Variants in TOM1L2 observed in about 807,000 individuals in gnomAD.
TOM1L2 encodes the protein target of myb1 like 2 membrane trafficking protein.
Under a neutral mutation model 67.9 loss-of-function variants are expected in TOM1L2, and 31 were observed. The ratio of observed to expected loss-of-function variants is 0.46; its 90% CI spans 0.34 to 0.62. TOM1L2 has a LOEUF of 0.62. TOM1L2 is among the 20% of genes least tolerant of loss of function. The pLI is 0.01. For missense variants in TOM1L2, 606 were observed against 663.5 expected, an observed-to-expected ratio of 0.91 and a Z score of 0.95; for synonymous variants, 256 against 254.0, an observed-to-expected ratio of 1.01 and a Z score of -0.07.
intron 4 of TOM1L2, among the ~76,000 whole-genome samples, chr17:17,892,504 C>T (rs542751102): frequency 6.6e-6 from 1 of 152,162 alleles, no homozygotes; most frequent in Non-Finnish European, 1.5e-5. Context: ...CACATCCCAG[C>T]TCAGAGCCCT....
chr17:17,851,204 G>T, intron 12 of TOM1L2: 1 of 527,806 alleles, frequency 1.9e-6, no homozygotes, highest in South Asian at 2.1e-5. Context: ...AAGGAAGGTG[G>T]CTGTACGCGT....
intron 12 of TOM1L2, among the ~76,000 whole-genome samples, chr17:17,855,274 A>T (rs1001438445): frequency 2.0e-5 from 3 of 152,188 alleles, no homozygotes; most frequent in Admixed American, 2.0e-4. Flanking sequence ...GGTTAGGATT[A>T]TCCTTCCAGA....
At chr17:17,869,610 GA>G (rs1386033686) in intron 7 of TOM1L2, 137 bp from the exon 8 acceptor site, 1 of 1,408,528 alleles carries the variant, frequency 7.1e-7, no homozygotes, top group African/African-American at 1.4e-5. Flanking sequence ...GACATGTGCC[GA>G]ATTCAAAGTA....
At chr17:17,936,749 T>C (rs2040529642) in intron 1 of TOM1L2, among the ~76,000 whole-genome samples, 1 of 152,198 alleles carries the variant, frequency 6.6e-6, no homozygotes, top group Admixed American at 6.5e-5. Flanking sequence ...AAAATTGTAC[T>C]TACAGCATTA....
chr17:17,929,852 G>T (rs1418084306), intron 1 of TOM1L2, among the ~76,000 whole-genome samples: 1 of 152,176 alleles, frequency 6.6e-6, no homozygotes, highest in African/African-American at 2.4e-5. Context: ...TAGAGCTTTA[G>T]CTGTGACTGT....
intron 12 of TOM1L2, chr17:17,859,582 A>G (rs1038400144): frequency 6.6e-6 from 1 of 152,274 alleles, no homozygotes; most frequent in African/African-American, 2.4e-5. Flanking sequence ...AGCAGCAAAC[A>G]TGAAAAGCAA....
chr17:17,898,568 T>C, intron 3 of TOM1L2, 28 bp downstream of exon 3: 3 of 1,612,986 alleles, frequency 1.9e-6, no homozygotes, highest in Non-Finnish European at 2.5e-6. Flanking sequence ...CCCAGATGAC[T>C]TCTCTCCTCA....
At chr17:17,881,557 C>G (rs1229242986) in intron 6 of TOM1L2, among the ~76,000 whole-genome samples, 1 of 152,198 alleles carries the variant, frequency 6.6e-6, no homozygotes, top group Non-Finnish European at 1.5e-5. Context: ...AGAAGCAGGG[C>G]CAAAAGCCAG....
chr17:17,878,627 C>T (rs2037548025), intron 7 of TOM1L2, among the ~76,000 whole-genome samples: 1 of 152,198 alleles, frequency 6.6e-6, no homozygotes, highest in Non-Finnish European at 1.5e-5. Context: ...ACTTGGGGAC[C>T]AAGACTGACA....
intron 1 of TOM1L2, among the ~76,000 whole-genome samples, chr17:17,949,817 T>C (rs1398541117): frequency 6.6e-6 from 1 of 152,024 alleles, no homozygotes; most frequent in Non-Finnish European, 1.5e-5. Context: ...CAGGGCAATG[T>C]TATAACACTG....
rs759762655 is a variant in TOM1L2 at position 17,907,431 on chromosome 17, A to AG, written c.137+15dup. On this transcript the variant is annotated intron_variant, in intron 2 of 14. Coordinates refer to ENST00000379504, the MANE Select transcript of TOM1L2 (RefSeq NM_001082968.2). Reference sequence around the variant, plus strand: ...AAAGCTCAGAGAGGCTTCCCAGGAGAGGGGGGCACACGTACCCTTCCTCCG... The same window carrying AG: ...AAAGCTCAGAGAGGCTTCCCAGGAGAGGGGGGGCACACGTACCCTTCCTCCG... 7 of 1,612,510 alleles carry AG rather than the reference A, an allele frequency of 4.3e-6. No homozygotes were observed. In the African/African-American group the frequency reaches 9.4e-5, roughly 22 times the overall value.
At chr17:17,902,464 C>T (rs192415363) in intron 2 of TOM1L2, among the ~76,000 whole-genome samples, 28 of 152,360 alleles carry the variant, frequency 1.8e-4, no homozygotes, top group Admixed American at 1.7e-3. Flanking sequence ...TTGCATCCTG[C>T]ATGTGCCCTT....
intron 4 of TOM1L2, among the ~76,000 whole-genome samples, chr17:17,891,566 T>TGCTTG (rs2038275085): frequency 6.6e-6 from 1 of 152,180 alleles, no homozygotes; most frequent in African/African-American, 2.4e-5. Flanking sequence ...GTGATAACTG[T>TGCTTG]GCTTGCCATG....
At chr17:17,861,363 G>A (rs1010514831) in intron 12 of TOM1L2, 113 bp downstream of exon 12, 44 of 1,002,590 alleles carry the variant, frequency 4.4e-5, no homozygotes, top group Non-Finnish European at 5.9e-5. Context: ...CCCCCAGGGT[G>A]TCCCTGCCCC....
At position 17,869,323 on chromosome 17, in the gene TOM1L2, A is replaced by T; in HGVS notation, c.911+17T>A. On this transcript the variant is annotated intron_variant, in intron 8 of 14. Transcript: ENST00000379504. ...CTTTTCAAGGGAAAAAAAAAAAAAA[A>T]GAAATCCGGCTCCCACCTCTCGTAT... is the stretch of plus-strand genomic sequence containing the variant. 6.2e-7 allele frequency: 1 copy of T among 1,606,338 alleles called. No homozygotes were observed. Among genetic ancestry groups the T allele is most frequent in the Non-Finnish European group, 8.5e-7 (1 of 1,179,172 alleles).
chr17:17,956,720 A>T (rs2041469604), intron 1 of TOM1L2, among the ~76,000 whole-genome samples: 2 of 152,186 alleles, frequency 1.3e-5, no homozygotes, highest in African/African-American at 2.4e-5. Flanking sequence ...CACCCTCCGC[A>T]GCTGCTGGCC....
chr17:17,851,418 C>CA (rs1041450808), intron 12 of TOM1L2: 8 of 225,262 alleles, frequency 3.6e-5, no homozygotes, highest in African/African-American at 1.4e-4. Flanking sequence ...TACAGGTGCT[C>CA]AGAGGGCAGG....
At chr17:17,922,490 G>T (rs763035617) in intron 1 of TOM1L2, among the ~76,000 whole-genome samples, 2 of 152,184 alleles carry the variant, frequency 1.3e-5, no homozygotes, top group Non-Finnish European at 2.9e-5. Flanking sequence ...CTGCAGGCAG[G>T]AAGCAGGGGG....
intron 12 of TOM1L2, chr17:17,851,248 C>T: frequency 4.6e-6 from 2 of 433,576 alleles, no homozygotes; most frequent in Non-Finnish European, 8.6e-6. Context: ...CTATGAGTGT[C>T]CACTCTCACA....
Sources: gnomAD v4.1 joint callset for allele counts (sites outside exome capture counted in the v4.1 genomes callset) on GRCh38, gnomAD v4.1.1 for gene constraint, MANE v1.5 for transcripts, NCBI Gene and HGNC (gene_info 2026-07-23, HGNC 2026-07-21) for gene names.